Variants in FARP1 observed in about 807,000 individuals in gnomAD.
FARP1 encodes FERM, ARHGEF and pleckstrin domain-containing protein 1.
FARP1 carries 52 observed loss-of-function variants against 128.8 expected under a neutral mutation model. That is an observed-to-expected ratio of 0.40 (90% CI 0.32 to 0.51). FARP1 has a LOEUF of 0.51. Among genes scored for constraint, FARP1 ranks in the 20% least tolerant of loss-of-function variants. The pLI is 0.45. For synonymous variants in FARP1, 580 were observed against 551.8 expected, an observed-to-expected ratio of 1.05 and a Z score of -0.72; for missense variants, 1,333 against 1,367.9, an observed-to-expected ratio of 0.97 and a Z score of 0.40.
chr13:98,171,962 T>G (rs1180973337), intron 1 of FARP1, among the ~76,000 whole-genome samples: 4 of 152,206 alleles, frequency 2.6e-5, no homozygotes, highest in Admixed American at 2.6e-4. Context: ...GGTTTGGTTT[T>G]GTTTTGCATT....
chr13:98,433,964 G>A (rs1892146479), intron 18 of FARP1: 1 of 152,408 alleles, frequency 6.6e-6, no homozygotes, highest in Admixed American at 6.5e-5. Flanking sequence ...GGACTCCTCA[G>A]ATCTGTCGCC....
chr13:98,443,618 G>A (rs747018624), intron 24 of FARP1, among the ~76,000 whole-genome samples: 15 of 152,164 alleles, frequency 9.9e-5, no homozygotes, highest in Non-Finnish European at 2.1e-4. Context: ...TCTGGGGACC[G>A]TGTGGCCTCA....
At chr13:98,224,526 C>CAAAAAAAA (rs1203238924) in intron 2 of FARP1, among the ~76,000 whole-genome samples, 3 of 50,268 alleles carry the variant, frequency 6.0e-5, no homozygotes, top group Non-Finnish European at 9.3e-5. Context: ...GACTCTGTCT[C>CAAAAAAAA]AAAAAAAAAA....
At chr13:98,172,865 T>A (rs1482543046) in intron 1 of FARP1, among the ~76,000 whole-genome samples, 1 of 152,190 alleles carries the variant, frequency 6.6e-6, no homozygotes, top group African/African-American at 2.4e-5. Flanking sequence ...TTCTGAAAGC[T>A]AGGATGAGAG....
chr13:98,165,710 GTTTTTTTTTT>G (rs71111927), intron 1 of FARP1, among the ~76,000 whole-genome samples: 5 of 74,118 alleles, frequency 6.7e-5, no homozygotes, highest in African/African-American at 2.9e-4. Context: ...TCCAGAAGGG[GTTTTTTTTTT>G]TTTTTTTTTT....
At chr13:98,448,057 G>C in intron 26 of FARP1, 179 bp from the exon 27 acceptor site, 1 of 626,696 alleles carries the variant, frequency 1.6e-6, no homozygotes, top group Non-Finnish European at 2.9e-6. Flanking sequence ...CAGGCCAGTG[G>C]GTCTCCACTG....
chr13:98,213,097 T>G, intron 1 of FARP1, 123 bp from the exon 2 acceptor site: 1 of 678,452 alleles, frequency 1.5e-6, no homozygotes, highest in East Asian at 2.7e-5. Context: ...GATGCCTCCC[T>G]ATATGTGATT....
intron 17 of FARP1, among the ~76,000 whole-genome samples, chr13:98,426,266 T>C (rs1391232730): frequency 1.3e-5 from 2 of 152,268 alleles, no homozygotes; most frequent in African/African-American, 2.4e-5. Context: ...GGTGGGAGGA[T>C]TGCTTTGAGC....
At chr13:98,253,074 T>C (rs16955087) in intron 2 of FARP1, among the ~76,000 whole-genome samples, 6,390 of 152,234 alleles carry the variant, frequency 0.042, 246 homozygotes, top group African/African-American at 0.099. Flanking sequence ...GTAGGGAGTG[T>C]GGTGCATTAA....
At chr13:98,306,013 T>G (rs762686585) in intron 2 of FARP1, among the ~76,000 whole-genome samples, 4 of 152,192 alleles carry the variant, frequency 2.6e-5, no homozygotes, top group Admixed American at 6.5e-5. Context: ...ACTATCCATG[T>G]GCAGAGACCC....
At chr13:98,379,188 T>A (rs527420557) in intron 6 of FARP1, among the ~76,000 whole-genome samples, 1 of 71,740 alleles carries the variant, frequency 1.4e-5, no homozygotes, top group African/African-American at 8.0e-5. Context: ...ATAATATATA[T>A]AATATATAAT....
Position 98,285,298 on chromosome 13 carries a change from G to C in FARP1, c.172-58464G>C, listed in dbSNP as rs558811589. Among the ~76,000 whole-genome samples, 3 of 152,252 alleles carry C rather than the reference G, an allele frequency of 2.0e-5. No homozygotes were observed. In the South Asian group the frequency reaches 6.2e-4, roughly 32 times the overall value. On this transcript the variant is annotated intron_variant, in intron 2 of 26. Transcript: ENST00000319562. ...CTGGAGGCATTCTTACTTATAAGAA[G>C]TTTAAAAAATTGAAATAAAACAGAT...
intron 16 of FARP1, among the ~76,000 whole-genome samples, chr13:98,417,455 G>GGGGAAAAAAAAAAAAAAAA (rs1491453247): frequency 1.7e-5 from 1 of 58,454 alleles, no homozygotes; most frequent in Non-Finnish European, 3.3e-5. Flanking sequence ...CCAGAGGTTT[G>GGGGAAAAAAAAAAAAAAAA]AAAAAAAAAA....
At position 98,390,892 on chromosome 13, in the gene FARP1, T is replaced by A. The variant is rs1375799829; in HGVS notation, c.1088+12T>A. 1.9e-6 allele frequency: 3 copies of A among 1,587,388 alleles called. No homozygotes were observed. In the African/African-American group the frequency reaches 4.0e-5, roughly 21 times the overall value. ...GTGCAGTTTGAAAGGTAAGAGAAGC[T>A]TCAATGCTACTTCCAGTCTGAGAAG... On this transcript the variant is annotated intron_variant, in intron 11 of 26. Transcript: ENST00000319562.
intron 3 of FARP1, among the ~76,000 whole-genome samples, chr13:98,359,917 G>A (rs1888795352): frequency 6.6e-6 from 1 of 152,122 alleles, no homozygotes; most frequent in Non-Finnish European, 1.5e-5. Context: ...CGGATTGGAG[G>A]AAAGAAAACA....
chr13:98,233,319 A>G (rs141627575), intron 2 of FARP1, among the ~76,000 whole-genome samples: 450 of 152,264 alleles, frequency 3.0e-3, no homozygotes, highest in Non-Finnish European at 4.9e-3. Flanking sequence ...CCTGTCAGCC[A>G]GGCTGGTTAA....
intron 1 of FARP1, chr13:98,159,373 A>G (rs114084535): frequency 0.027 from 4,039 of 152,250 alleles, 186 homozygotes; most frequent in African/African-American, 0.092. Flanking sequence ...AGTGTGCCAG[A>G]TGAGGGTGAG....
intron 2 of FARP1, among the ~76,000 whole-genome samples, chr13:98,310,574 A>G (rs1393346202): frequency 2.6e-5 from 4 of 152,142 alleles, no homozygotes; most frequent in Non-Finnish European, 5.9e-5. Flanking sequence ...TCGAGTTGAC[A>G]TTTGGAGATG....
At chr13:98,224,526 C>CAAAAAAAAAAAA (rs1203238924) in intron 2 of FARP1, among the ~76,000 whole-genome samples, 66 of 50,196 alleles carry the variant, frequency 1.3e-3, no homozygotes, top group African/African-American at 2.0e-3. Context: ...GACTCTGTCT[C>CAAAAAAAAAAAA]AAAAAAAAAA....
Sources: allele counts gnomAD v4.1 joint callset (sites outside exome capture counted in the v4.1 genomes callset), GRCh38; gene constraint gnomAD v4.1.1; transcripts MANE v1.5; gene names NCBI Gene and HGNC (gene_info 2026-07-23, HGNC 2026-07-21).